Variants in IL1RAPL2 observed in about 807,000 individuals in gnomAD.
IL1RAPL2 encodes the protein X-linked interleukin-1 receptor accessory protein-like 2.
Under a neutral mutation model 44.1 loss-of-function variants are expected in IL1RAPL2, and 3 were observed. The ratio of observed to expected loss-of-function variants is 0.07; its 90% confidence interval spans 0.03 to 0.18. IL1RAPL2 has a LOEUF of 0.18. Ranked by LOEUF, IL1RAPL2 falls within the 10% of genes least tolerant of loss-of-function variation. The probability of loss-of-function intolerance (pLI) is 1.00; values close to 1 mark genes in which losing one functional copy is unlikely to be tolerated. For missense variants in IL1RAPL2, 391 were observed against 496.4 expected (o/e 0.79, Z 2.02); for synonymous variants, 181 against 178.8 (o/e 1.01, Z -0.10).
chrX:105,670,489 C>T (rs1367371037), intron 6 of IL1RAPL2, among the ~76,000 whole-genome samples: 1 of 104,731 alleles, frequency 9.5e-6, no homozygotes, highest in Non-Finnish European at 2.0e-5. Context: ...TCAGTAGAGA[C>T]GGGGTTTCAC....
At chrX:104,890,045 C>G (rs983844130) in intron 2 of IL1RAPL2, among the ~76,000 whole-genome samples, 17 of 111,089 alleles carry the variant, frequency 1.5e-4, no homozygotes, top group Non-Finnish European at 2.6e-4. Flanking sequence ...TGAGAACATG[C>G]AGTGTTTGGT....
At chrX:105,672,569 TC>T (rs1312776035) in intron 6 of IL1RAPL2, among the ~76,000 whole-genome samples, 1 of 112,467 alleles carries the variant, frequency 8.9e-6, no homozygotes, top group African/African-American at 3.2e-5. Flanking sequence ...AGTCCAGACT[TC>T]TCACATGGTG....
At chrX:105,375,325 C>T (rs1223242275) in intron 5 of IL1RAPL2, among the ~76,000 whole-genome samples, 1 of 111,115 alleles carries the variant, frequency 9.0e-6, no homozygotes, top group African/African-American at 3.3e-5. Flanking sequence ...GCCTGGCCAA[C>T]ATGGTGAAAC....
chrX:104,782,924 TTGACCTCACAGGAGAATA>T (rs1932781798), intron 2 of IL1RAPL2, among the ~76,000 whole-genome samples: 2 of 112,219 alleles, frequency 1.8e-5, no homozygotes, highest in Non-Finnish European at 3.8e-5. Context: ...AAGAGAGTTC[TTGACCTCACAGGAGAATA>T]TGCGGTAAAG....
rs184463755 is a variant in IL1RAPL2, at chrX:105,019,871, C to G, written c.83-175604C>G. On this transcript the variant is annotated intron_variant, in intron 2 of 10. Transcript: ENST00000372582. ...TGGTTTGCCTCCTGAATATAGGAAT[C>G]ATAAGAGACCCTGGAGATCAGGGGA... Among the ~76,000 whole-genome samples the G allele has an allele frequency of 4.8e-3, 534 of 111,334 alleles. 3 individuals carry two copies. The highest frequency in any genetic ancestry group is 0.017 in the African/African-American group (512 of 30,741).
intron 2 of IL1RAPL2, among the ~76,000 whole-genome samples, chrX:104,832,752 A>T (rs934875806): frequency 9.0e-6 from 1 of 111,631 alleles, no homozygotes; most frequent in Non-Finnish European, 1.9e-5. Flanking sequence ...CTTTAAAAAC[A>T]TAGAAACAAT....
chrX:105,173,471 AC>A (rs1449939631), intron 2 of IL1RAPL2, among the ~76,000 whole-genome samples: 2 of 111,663 alleles, frequency 1.8e-5, no homozygotes, highest in African/African-American at 6.5e-5. Context: ...AGGAAGGTAC[AC>A]TGAATCTGGA....
intron 6 of IL1RAPL2, among the ~76,000 whole-genome samples, chrX:105,651,306 C>T (rs911921178): frequency 4.5e-5 from 5 of 111,674 alleles, no homozygotes; most frequent in African/African-American, 1.3e-4. Flanking sequence ...GGTGGAGACA[C>T]AGGAAATGAC....
intron 5 of IL1RAPL2, among the ~76,000 whole-genome samples, chrX:105,304,981 T>G (rs373419709): frequency 2.7e-5 from 3 of 111,193 alleles, no homozygotes; most frequent in East Asian, 5.7e-4. Context: ...GAAGCAGATA[T>G]GTCTTACATG....
chrX:105,527,364 A>G (rs887893596), intron 6 of IL1RAPL2, among the ~76,000 whole-genome samples: 1 of 110,854 alleles, frequency 9.0e-6, no homozygotes, highest in African/African-American at 3.3e-5. Context: ...GTTGTGGATC[A>G]TAAGTCACAA....
intron 4 of IL1RAPL2, among the ~76,000 whole-genome samples, chrX:105,266,688 T>C (rs1380960475): frequency 4.5e-5 from 5 of 111,456 alleles, no homozygotes; most frequent in Non-Finnish European, 9.4e-5. Flanking sequence ...GTTCTGTGGT[T>C]ATATATCACT....
chrX:105,175,857 A>G (rs1040059362), intron 2 of IL1RAPL2, among the ~76,000 whole-genome samples: 2 of 111,141 alleles, frequency 1.8e-5, no homozygotes, highest in Non-Finnish European at 3.8e-5. Flanking sequence ...TTACTGTAAT[A>G]CTTGTAATGA....
chrX:104,718,989 G>A (rs1368269603), intron 2 of IL1RAPL2, among the ~76,000 whole-genome samples: 1 of 111,723 alleles, frequency 9.0e-6, no homozygotes, highest in Non-Finnish European at 1.9e-5. Context: ...ACACATAGTG[G>A]GTTGTAGTTT....
chrX:105,647,021 C>T (rs868035971), intron 6 of IL1RAPL2, among the ~76,000 whole-genome samples: 19 of 112,434 alleles, frequency 1.7e-4, no homozygotes, highest in African/African-American at 5.8e-4. Context: ...TTGGGCCATG[C>T]GGTGAGTGTT....
intron 2 of IL1RAPL2, among the ~76,000 whole-genome samples, chrX:104,751,261 G>T (rs1193218231): frequency 1.8e-5 from 2 of 111,669 alleles, no homozygotes; most frequent in Non-Finnish European, 3.8e-5. Context: ...CAAACTATAT[G>T]ATAGGTGCTG....
chrX:105,054,531 C>T (rs2031968845), intron 2 of IL1RAPL2, among the ~76,000 whole-genome samples: 1 of 111,909 alleles, frequency 8.9e-6, no homozygotes, highest in Non-Finnish European at 1.9e-5. Context: ...AGTCATCTTC[C>T]CATTTCAGCC....
intron 5 of IL1RAPL2, among the ~76,000 whole-genome samples, chrX:105,473,895 A>G (rs760397143): frequency 8.9e-6 from 1 of 112,097 alleles, no homozygotes; most frequent in South Asian, 3.7e-4. Flanking sequence ...CCGCAATGTC[A>G]TATTCTGCTT....
intron 2 of IL1RAPL2, among the ~76,000 whole-genome samples, chrX:104,950,408 T>A (rs1039689659): frequency 4.4e-5 from 5 of 112,724 alleles, no homozygotes; most frequent in African/African-American, 1.3e-4. Context: ...CAGAGGTTAC[T>A]GCTGTCTTTT....
chrX:105,130,726 C>CT (rs1419669111), intron 2 of IL1RAPL2, among the ~76,000 whole-genome samples: 2 of 111,166 alleles, frequency 1.8e-5, no homozygotes. Flanking sequence ...TTCACATTGA[C>CT]TTTCAGGATC....
Sources: gnomAD v4.1 joint callset for allele counts (sites outside exome capture counted in the v4.1 genomes callset) on GRCh38, gnomAD v4.1.1 for gene constraint, MANE v1.5 for transcripts, NCBI Gene and HGNC (gene_info 2026-07-23, HGNC 2026-07-21) for gene names.